The following SPNS3 variants were observed in gnomAD, a reference collection of about 807,000 sequenced individuals.
SPNS3 encodes the protein SPNS lysolipid transporter 3, sphingosine-1-phosphate (putative), also known as protein spinster homolog 3.
SPNS3 carries 51 observed loss-of-function variants against 54.4 expected under a neutral mutation model. The observed-to-expected ratio is 0.94, with a 90% CI of 0.75 to 1.18. The LOEUF (loss-of-function observed/expected upper bound fraction) is 1.18. Ranked by LOEUF, SPNS3 falls within the 50% of genes most tolerant of loss-of-function variation. SPNS3 has a pLI of 0.00. For synonymous variants in SPNS3, 309 were observed against 294.7 expected (o/e 1.05, Z -0.50); for missense variants, 669 against 677.4 (o/e 0.99, Z 0.14).
At chr17:4,452,340 A>T (rs1377645031) in intron 7 of SPNS3, among the ~76,000 whole-genome samples, 1 of 151,868 alleles carries the variant, frequency 6.6e-6, no homozygotes, top group Non-Finnish European at 1.5e-5. Flanking sequence ...CACAAAATGC[A>T]CTCCTGGGGA....
At chr17:4,449,645 G>A (rs929845305) in intron 7 of SPNS3, among the ~76,000 whole-genome samples, 14 of 152,106 alleles carry the variant, frequency 9.2e-5, no homozygotes, top group African/African-American at 3.1e-4. Flanking sequence ...TCTTGGGGCT[G>A]CTGTGGGCTC....
intron 8 of SPNS3, among the ~76,000 whole-genome samples, chr17:4,461,543 G>C (rs1378502175): frequency 1.3e-5 from 2 of 151,848 alleles, no homozygotes; most frequent in Admixed American, 1.3e-4. Context: ...GTTGAGAATA[G>C]ACCTGGGGGC....
chr17:4,458,886 G>A (rs1204382442), intron 8 of SPNS3, among the ~76,000 whole-genome samples: 2 of 151,910 alleles, frequency 1.3e-5, no homozygotes, highest in African/African-American at 4.8e-5. Context: ...CCTGGTGCCT[G>A]TGGAACTAGG....
intron 4 of SPNS3, chr17:4,446,658 C>T (rs1970995511): frequency 5.1e-6 from 3 of 591,620 alleles, no homozygotes; most frequent in Non-Finnish European, 9.1e-6. Flanking sequence ...TATGTGTTTC[C>T]ATAGGTGGAG....
At chr17:4,441,983 AGTGTGTGTGTGTGTGTGTGTGT>A (rs373836833) in intron 2 of SPNS3, among the ~76,000 whole-genome samples, 2 of 139,000 alleles carry the variant, frequency 1.4e-5, no homozygotes. Context: ...CGGAGGGAGA[AGTGTGTGTGTGTGTGTGTGTGT>A]GTGTGTGTGT....
Position 4,462,786 on chromosome 17 carries a change from C to CACCA in SPNS3, c.1113+9582_1113+9583insCCAA, listed in dbSNP as rs1467505522. Among the ~76,000 whole-genome samples, 710 of 121,060 alleles carry CACCA rather than the reference C, an allele frequency of 5.9e-3. 59 individuals are homozygous for CACCA. Among genetic ancestry groups the CACCA allele is most frequent in the African/African-American group, 0.023 (638 of 27,194 alleles). 79.4% of individuals were successfully genotyped at this position (121,060 alleles called of 152,430 possible). On this transcript the variant is annotated intron_variant, in intron 8 of 11. Coordinates refer to ENST00000355530, the MANE Select transcript of SPNS3 (RefSeq NM_182538.5). Reference sequence around the variant, plus strand: ...CCATCCATCCATCCATCCATCCATCCATCCATCCATCCATCCACCAATCTA... The same window carrying CACCA: ...CCATCCATCCATCCATCCATCCATCCACCAATCCATCCATCCATCCACCAATCTA...
chr17:4,478,450 TAA>T (rs1426808892), intron 8 of SPNS3, 120 bp from the exon 9 acceptor site: 3 of 849,368 alleles, frequency 3.5e-6, no homozygotes, highest in Non-Finnish European at 5.6e-6. Context: ...CTCACTCCAA[TAA>T]GTCTCAATAA....
At chr17:4,476,916 GCT>G (rs1972017817) in intron 8 of SPNS3, among the ~76,000 whole-genome samples, 1 of 152,226 alleles carries the variant, frequency 6.6e-6, no homozygotes, top group South Asian at 2.1e-4. Flanking sequence ...CCACATCCCA[GCT>G]CCTTGCCTCC....
At chr17:4,461,701 T>C (rs1971511704) in intron 8 of SPNS3, among the ~76,000 whole-genome samples, 1 of 152,146 alleles carries the variant, frequency 6.6e-6, no homozygotes. Flanking sequence ...AATTTCCTCA[T>C]AAATTCCAGG....
intron 8 of SPNS3, among the ~76,000 whole-genome samples, chr17:4,460,460 C>G (rs1366996151): frequency 7.9e-6 from 1 of 126,770 alleles, no homozygotes; most frequent in Non-Finnish European, 1.6e-5. Context: ...GAGACAGAGT[C>G]TCACTCTGTG....
Position 4,486,357 on chromosome 17 carries a change from A to AGGGTCTGGGGGCCAGGCTGGT in SPNS3, c.1278+35_1279-31dup, listed in dbSNP as rs1481407511. On this transcript the variant is annotated intron_variant, in intron 10 of 11. Transcript: ENST00000355530. This position sits in a 1 kb window ranked among gnomAD's most constrained non-coding sequence, Gnocchi z 5.5. Reference sequence around the variant, plus strand: ...ACGTGTCTGCGTGTGTGGGGTGGGGAGGGTCTGGGGGCCAGGCTGGTGGGC... The same window carrying AGGGTCTGGGGGCCAGGCTGGT: ...ACGTGTCTGCGTGTGTGGGGTGGGGAGGGTCTGGGGGCCAGGCTGGTGGGTCTGGGGGCCAGGCTGGTGGGC... The AGGGTCTGGGGGCCAGGCTGGT allele has an allele frequency of 1.0e-5, 12 of 1,160,128 alleles. No individual in the cohort carries two copies. In the African/African-American group the frequency reaches 1.9e-4, roughly 18 times the overall value. 71.9% of individuals were successfully genotyped at this position (1,160,128 alleles called of 1,614,324 possible). A position where few individuals can be genotyped will look rare whatever the true frequency, so the allele number is the denominator to read the frequency against.
Position 4,446,100 on chromosome 17 carries a change from G to C in SPNS3, c.455G>C (p.Ser152Thr). The change falls in exon 4 of 12, where the codon AGC (serine) becomes ACC (threonine). Residue 152 changes from serine to threonine, a missense_variant. Ser to Thr is a moderately conservative substitution (Grantham distance 58, BLOSUM62 1). Coordinates refer to ENST00000355530, the MANE Select transcript of SPNS3 (RefSeq NM_182538.5). ...SRGIVGTGSA[S>T]YSTIAPTVLG... ...GGCATCGTGGGCACTGGCTCGGCCA[G>C]CTACTCCACCATCGCGCCCACCGTC... is the stretch of plus-strand genomic sequence containing the variant. 6.2e-7 allele frequency: 1 copy of C among 1,613,226 alleles called. No homozygotes were observed. The highest frequency in any genetic ancestry group is 8.5e-7 in the Non-Finnish European group (1 of 1,179,410).
intron 2 of SPNS3, among the ~76,000 whole-genome samples, chr17:4,440,300 C>G (rs966220087): frequency 6.6e-6 from 1 of 152,146 alleles, no homozygotes. Context: ...GTGACACACA[C>G]CCACAGTGTG....
chr17:4,454,292 T>C (rs1357561630), intron 8 of SPNS3, among the ~76,000 whole-genome samples: 1 of 152,184 alleles, frequency 6.6e-6, no homozygotes, highest in African/African-American at 2.4e-5. Context: ...TCCCCCAACA[T>C]GGGAAAGGGC....
At chr17:4,470,016 C>T (rs539167737) in intron 8 of SPNS3, among the ~76,000 whole-genome samples, 26 of 152,058 alleles carry the variant, frequency 1.7e-4, no homozygotes, top group African/African-American at 5.8e-4. Context: ...ATTAGGTAAC[C>T]GTCATTCCGT....
intron 8 of SPNS3, among the ~76,000 whole-genome samples, chr17:4,470,628 G>A (rs146163566): frequency 0.014 from 2,145 of 151,982 alleles, 19 homozygotes; most frequent in Non-Finnish European, 0.023. Context: ...TCCCCAGCCC[G>A]GGCCCTAGGC....
At chr17:4,476,629 C>T (rs940405499) in intron 8 of SPNS3, among the ~76,000 whole-genome samples, 1 of 152,146 alleles carries the variant, frequency 6.6e-6, no homozygotes, top group East Asian at 1.9e-4. Flanking sequence ...CCCTGCTAGG[C>T]TGGAATGTGG....
At position 4,458,588 on chromosome 17, in the gene SPNS3, CCTTTCTTTCTTTCTTT is replaced by C. The variant is rs1188233610; in HGVS notation, c.1113+5429_1113+5444del. 8.2e-3 allele frequency among the ~76,000 whole-genome samples: 489 copies of C among 59,326 alleles called. 13 individuals carry two copies. The highest frequency in any genetic ancestry group is 0.031 in the Admixed American group (171 of 5,566). 38.9% of individuals were successfully genotyped at this position (59,326 alleles called of 152,430 possible). A position where few individuals can be genotyped will look rare whatever the true frequency, so the allele number is the denominator to read the frequency against. On this transcript the variant is annotated intron_variant, in intron 8 of 11. Coordinates refer to ENST00000355530, the MANE Select transcript of SPNS3 (RefSeq NM_182538.5). The stretch of plus-strand genomic sequence containing the variant: ...TCCCTCCTTTCTTTCTTCCTTCCCT[CCTTTCTTTCTTTCTTT>C]CTTTCTTTCTTTCTTTCTTTCTTTC...
At chr17:4,457,649 T>G (rs1971349756) in intron 8 of SPNS3, among the ~76,000 whole-genome samples, 1 of 152,152 alleles carries the variant, frequency 6.6e-6, no homozygotes, top group Non-Finnish European at 1.5e-5. Flanking sequence ...ACCAGCCAGC[T>G]GGGGCTGGGG....
Sources: allele counts gnomAD v4.1 joint callset (sites outside exome capture counted in the v4.1 genomes callset), GRCh38; gene constraint gnomAD v4.1.1; non-coding constraint Gnocchi (gnomAD v3.1); transcripts MANE v1.5; gene names NCBI Gene and HGNC (gene_info 2026-07-23, HGNC 2026-07-21).